Variants in RBFOX1 observed in about 807,000 individuals in gnomAD.
RBFOX1 encodes RNA binding protein fox-1 homolog 1.
RBFOX1 carries 8 observed loss-of-function variants against 57.7 expected under a neutral mutation model. The ratio of observed to expected loss-of-function variants is 0.14; its 90% CI spans 0.08 to 0.25. The LOEUF (loss-of-function observed/expected upper bound fraction) is 0.25. Ranked by LOEUF, RBFOX1 falls within the 10% of genes least tolerant of loss-of-function variation. The probability of loss-of-function intolerance (pLI) is 1.00; values close to 1 mark genes in which losing one functional copy is unlikely to be tolerated. For synonymous variants in RBFOX1, 326 were observed against 222.4 expected, an observed-to-expected ratio of 1.47 and a Z score of -4.15; for missense variants, 611 against 548.5, an observed-to-expected ratio of 1.11 and a Z score of -1.14.
chr16:5,971,549 G>A (rs998577283), intron 4 of RBFOX1, among the ~76,000 whole-genome samples: 3 of 152,164 alleles, frequency 2.0e-5, no homozygotes, highest in Non-Finnish European at 4.4e-5. Flanking sequence ...AATTGGGGCA[G>A]CATCATAAGT....
At position 6,403,474 on chromosome 16, in the gene RBFOX1, C is replaced by T. The variant is rs547052688; in HGVS notation, c.-64+86417C>T. ...GACCACCGGAGCTCAGGTGGGCCTC[C>T]CTCCTGAACCTCCCCAGTAGCTGGG... On this transcript the variant is annotated intron_variant, in intron 2 of 15. Transcript: ENST00000550418. 7.9e-5 allele frequency among the ~76,000 whole-genome samples: 12 copies of T among 152,110 alleles called. 1 individual carries two copies. In the South Asian group the frequency reaches 2.5e-3, roughly 32 times the overall value.
At chr16:7,496,760 C>G (rs375973210) in intron 4 of RBFOX1, among the ~76,000 whole-genome samples, 1 of 69,764 alleles carries the variant, frequency 1.4e-5, no homozygotes, top group Non-Finnish European at 3.1e-5. Context: ...AAAAAAAAAA[C>G]AGTTTGCATT....
intron 1 of RBFOX1, among the ~76,000 whole-genome samples, chr16:5,339,364 A>G (rs1343120722): frequency 6.6e-6 from 1 of 151,604 alleles, no homozygotes; most frequent in Non-Finnish European, 1.5e-5. Flanking sequence ...GTCACTTTCA[A>G]CCAAACTGGC....
At chr16:5,913,015 C>A (rs114057244) in intron 4 of RBFOX1, among the ~76,000 whole-genome samples, 9 of 152,092 alleles carry the variant, frequency 5.9e-5, no homozygotes, top group Admixed American at 5.9e-4. Flanking sequence ...GTCAGAAGAC[C>A]CAAGTCTAAG....
At chr16:6,407,343 A>G (rs2093317721) in intron 2 of RBFOX1, among the ~76,000 whole-genome samples, 2 of 152,068 alleles carry the variant, frequency 1.3e-5, no homozygotes, top group African/African-American at 4.8e-5. Context: ...TTCTATCTCT[A>G]TATGTCTATG....
chr16:7,148,571 G>C (rs1184167797), intron 4 of RBFOX1, among the ~76,000 whole-genome samples: 1 of 152,186 alleles, frequency 6.6e-6, no homozygotes, highest in African/African-American at 2.4e-5. Context: ...CTGTTTGATC[G>C]AGAATGGAGA....
At chr16:7,308,946 A>T (rs962934368) in intron 4 of RBFOX1, among the ~76,000 whole-genome samples, 5 of 152,216 alleles carry the variant, frequency 3.3e-5, no homozygotes, top group Non-Finnish European at 7.3e-5. Context: ...AATTTATCAC[A>T]TTCTTTCTTT....
intron 3 of RBFOX1, among the ~76,000 whole-genome samples, chr16:5,699,860 G>A (rs2050974011): frequency 1.3e-5 from 2 of 152,120 alleles, no homozygotes; most frequent in South Asian, 4.1e-4. Flanking sequence ...TTAAGACGGA[G>A]TCTTGCTCTG....
At chr16:5,905,824 G>A (rs1352759813) in intron 4 of RBFOX1, among the ~76,000 whole-genome samples, 1 of 152,162 alleles carries the variant, frequency 6.6e-6, no homozygotes, top group Non-Finnish European at 1.5e-5. Flanking sequence ...CCACTCCCAA[G>A]CCCCAGCAAA....
chr16:6,910,727 TA>T (rs897256045), intron 3 of RBFOX1, among the ~76,000 whole-genome samples: 13 of 152,188 alleles, frequency 8.5e-5, no homozygotes, highest in African/African-American at 2.7e-4. Flanking sequence ...CATCATTTCC[TA>T]AAGTAGCGGA....
chr16:5,972,821 G>C (rs1469008822), intron 4 of RBFOX1, among the ~76,000 whole-genome samples: 1 of 152,210 alleles, frequency 6.6e-6, no homozygotes, highest in Non-Finnish European at 1.5e-5. Flanking sequence ...ACCCTTGGCT[G>C]TTTGGCTTCC....
chr16:6,880,655 CA>C (rs1404084424), intron 3 of RBFOX1, among the ~76,000 whole-genome samples: 3 of 152,066 alleles, frequency 2.0e-5, no homozygotes, highest in African/African-American at 7.2e-5. Context: ...ATAAAATTAG[CA>C]GTAAAGAAAT....
intron 4 of RBFOX1, among the ~76,000 whole-genome samples, chr16:7,155,932 A>G (rs536617686): frequency 2.6e-5 from 4 of 151,806 alleles, no homozygotes; most frequent in African/African-American, 9.7e-5. Flanking sequence ...CCTATACCCC[A>G]TTAAAAACTG....
chr16:5,989,102 C>G (rs1264315549), intron 4 of RBFOX1, among the ~76,000 whole-genome samples: 1 of 150,724 alleles, frequency 6.6e-6, no homozygotes, highest in East Asian at 2.0e-4. Context: ...GGGTGGATCA[C>G]GAGGTCAAGG....
At chr16:6,028,566 C>A (rs900821845) in intron 1 of RBFOX1, among the ~76,000 whole-genome samples, 1 of 150,218 alleles carries the variant, frequency 6.7e-6, no homozygotes, top group Middle Eastern at 3.5e-3. Flanking sequence ...TGCCTGTAGT[C>A]CTAGCTACTC....
At chr16:6,357,422 C>T (rs1479646280) in intron 2 of RBFOX1, among the ~76,000 whole-genome samples, 1 of 151,898 alleles carries the variant, frequency 6.6e-6, no homozygotes, top group Non-Finnish European at 1.5e-5. Context: ...TCAGAAACAC[C>T]CAGCTTATTG....
intron 4 of RBFOX1, among the ~76,000 whole-genome samples, chr16:7,483,537 G>A (rs1466694805): frequency 1.3e-5 from 2 of 152,160 alleles, no homozygotes; most frequent in Non-Finnish European, 2.9e-5. Flanking sequence ...CCTTTCCTGG[G>A]ATGCCAACCT....
intron 4 of RBFOX1, among the ~76,000 whole-genome samples, chr16:5,914,800 C>A (rs1167705387): frequency 6.6e-6 from 1 of 151,994 alleles, no homozygotes; most frequent in African/African-American, 2.4e-5. Flanking sequence ...GAGGCTGAGG[C>A]AGGAGAATGG....
intron 3 of RBFOX1, among the ~76,000 whole-genome samples, chr16:5,835,129 C>CA (rs1324737997): frequency 6.6e-6 from 1 of 152,146 alleles, no homozygotes. Context: ...GGACCCCCCC[C>CA]AGAAGTATAA....
Sources: gnomAD v4.1 joint callset for allele counts (sites outside exome capture counted in the v4.1 genomes callset) on GRCh38, gnomAD v4.1.1 for gene constraint, MANE v1.5 for transcripts, NCBI Gene and HGNC (gene_info 2026-07-23, HGNC 2026-07-21) for gene names.